The following ZNF780B variants were observed in gnomAD, a reference collection of about 807,000 sequenced individuals.
The protein encoded by ZNF780B is zinc finger protein 780B, also known as zinc finger protein 779.
In ZNF780B, 52 loss-of-function variants were observed where a neutral mutation model predicts 74.1. That is an observed-to-expected ratio of 0.70 (90% CI 0.56 to 0.88). ZNF780B has a LOEUF of 0.88. ZNF780B is among the 40% of genes least tolerant of loss of function. The probability of loss-of-function intolerance (pLI) is 0.00; values close to 1 mark genes in which losing one functional copy is unlikely to be tolerated. For synonymous variants in ZNF780B, 315 were observed against 324.3 expected, an observed-to-expected ratio of 0.97 and a Z score of 0.31; for missense variants, 953 against 1,007.6, an observed-to-expected ratio of 0.95 and a Z score of 0.73.
At position 40,034,402 on chromosome 19, in the gene ZNF780B, G is replaced by A; in HGVS notation, c.2457C>T (p.Asp819=). The A allele has an allele frequency of 6.2e-7, 1 of 1,613,504 alleles. No homozygotes were observed. Among genetic ancestry groups the A allele is most frequent in the South Asian group, 1.1e-5 (1 of 91,018 alleles). The change falls in exon 5 of 5, where the codon GAC becomes GAT. Residue 819 remains aspartate, a synonymous_variant. Transcript: ENST00000434248. ...LNVRNVGQPS[D]ISSNLLNIRK... is the part of the protein sequence containing the mutation. ...TGATGTTCAGTAAGTTGCTACTGAT[G>A]TCTGAAGGCTGTCCCACATTTCTTA...
intron 4 of ZNF780B, 44 bp downstream of exon 4, chr19:40,047,331 C>T (rs201473264): frequency 6.3e-5 from 96 of 1,528,082 alleles, no homozygotes; most frequent in Non-Finnish European, 7.3e-5. Flanking sequence ...ATGGGCTGTC[C>T]GGGACAATGA....
rs1243906007 is a variant in ZNF780B at position 40,039,193 on chromosome 19, G to C, written c.233-2567C>G. On this transcript the variant is annotated intron_variant, in intron 4 of 4. Transcript: ENST00000434248. ...AATCCTTTCCCCATTGCTTGTTTTT[G>C]TCAGGTTTGTCAAAGATCAGATAGT... Among the ~76,000 whole-genome samples, 121 of 152,142 alleles carry C rather than the reference G, an allele frequency of 8.0e-4. 1 individual carries two copies. Among genetic ancestry groups the C allele is most frequent in the Non-Finnish European group, 1.1e-3 (74 of 67,994 alleles).
At position 40,035,729 on chromosome 19, in the gene ZNF780B, T is replaced by C; in HGVS notation, c.1130A>G (p.Asn377Ser). 2 of 1,614,008 alleles carry C rather than the reference T, an allele frequency of 1.2e-6. No individual in the cohort carries two copies. Among genetic ancestry groups the C allele is most frequent in the Non-Finnish European group, 1.7e-6 (2 of 1,179,994 alleles). ...GKAFSLLNQL[N>S]RHKNIHTGEK... ...ACCTGTGTGAATATTCTTATGGCGA[T>C]TAAGCTGATTGAGGAGACTAAAGGC... is the stretch of plus-strand genomic sequence containing the variant. Residue 377 changes from asparagine (N) to serine (S), a missense_variant, in exon 5 of 5, where the codon AAT becomes AGT. Physicochemically the swap from Asn to Ser is conservative, Grantham distance 46. Transcript: ENST00000434248.
rs1402875874 is a variant in ZNF780B, at chr19:40,029,765, G to A, written c.*4592C>T. 6.6e-6 allele frequency: 1 copy of A among 151,992 alleles called. No individual in the cohort carries two copies. The highest frequency in any genetic ancestry group is 2.4e-5 in the African/African-American group (1 of 41,336). The allele number at this position is 151,992 out of a possible 1,614,324, so 9.4% of individuals were successfully genotyped here. Reference sequence around the variant, plus strand: ...ATGACTCAGGACAAGAGGCATGGGGGACATGAACCAACAAACAGGGTCAGT... The same window carrying A: ...ATGACTCAGGACAAGAGGCATGGGGAACATGAACCAACAAACAGGGTCAGT... On this transcript the variant is annotated 3_prime_UTR_variant, in exon 5 of 5. Transcript: ENST00000434248.
In ZNF780B at chr19:40,048,954, T is replaced by C. The variant is rs1973074406; in HGVS notation, c.10-158A>G. On this transcript the variant is annotated intron_variant, in intron 2 of 4. Transcript: ENST00000434248. ...GAATCCTGCTGCTGGCCTGGTGTGG[T>C]GGCTCATGCCTGTTATACCAGCACT... The C allele has an allele frequency of 2.5e-6, 3 of 1,206,660 alleles. No individual in the cohort carries two copies. The East Asian group carries it at 7.7e-5, about 31-fold the overall frequency. The allele number at this position is 1,206,660 out of a possible 1,614,324, so 74.7% of individuals were successfully genotyped here. A position where few individuals can be genotyped will look rare whatever the true frequency, so the allele number is the denominator to read the frequency against.
rs1250165087 is a variant in ZNF780B, at chr19:40,033,987, CAA to C, written c.*368_*369del. On this transcript the variant is annotated 3_prime_UTR_variant, in exon 5 of 5. Transcript: ENST00000434248. ...TGTGCAGTAAAGACTAAGCTAAATC[CAA>C]AAGTTTTCCACATTCTTTACACTCA... 3 of 274,586 alleles carry C rather than the reference CAA, an allele frequency of 1.1e-5. No individual in the cohort carries two copies. Among genetic ancestry groups the C allele is most frequent in the Non-Finnish European group, 7.1e-6 (1 of 140,782 alleles). 17.0% of individuals were successfully genotyped at this position (274,586 alleles called of 1,614,324 possible).
At position 40,033,174 on chromosome 19, in the gene ZNF780B, A is replaced by G. The variant is rs960188617; in HGVS notation, c.*1183T>C. 1.3e-5 allele frequency: 2 copies of G among 153,932 alleles called. No individual in the cohort carries two copies. The highest frequency in any genetic ancestry group is 2.9e-5 in the Non-Finnish European group (2 of 68,220). 9.5% of individuals were successfully genotyped at this position (153,932 alleles called of 1,614,324 possible). A position where few individuals can be genotyped will look rare whatever the true frequency, so the allele number is the denominator to read the frequency against. On this transcript the variant is annotated 3_prime_UTR_variant, in exon 5 of 5. Coordinates refer to ENST00000434248, the MANE Select transcript of ZNF780B (RefSeq NM_001005851.3). ...CAAAAAACACTGGTCACAGATCACC[A>G]TAACAGATTTAACAATGAAAAAGTT...
intron 4 of ZNF780B, among the ~76,000 whole-genome samples, chr19:40,046,837 C>T (rs1031576396): frequency 2.0e-5 from 3 of 152,230 alleles, no homozygotes; most frequent in African/African-American, 7.2e-5. Flanking sequence ...AATGCGCACT[C>T]TATACATATT....
intron 4 of ZNF780B, among the ~76,000 whole-genome samples, chr19:40,046,704 C>T (rs117681666): frequency 6.6e-6 from 1 of 152,190 alleles, no homozygotes; most frequent in South Asian, 2.1e-4. Context: ...TATTCATTTG[C>T]TTACTTGTTT....
At chr19:40,039,542 G>A (rs1484242870) in intron 4 of ZNF780B, among the ~76,000 whole-genome samples, 2 of 151,742 alleles carry the variant, frequency 1.3e-5, no homozygotes, top group South Asian at 4.2e-4. Flanking sequence ...TCCTACCCAT[G>A]AGCATGGAAT....
At chr19:40,046,953 T>TG (rs1172848872) in intron 4 of ZNF780B, among the ~76,000 whole-genome samples, 8 of 152,308 alleles carry the variant, frequency 5.3e-5, no homozygotes, top group African/African-American at 1.7e-4. Flanking sequence ...AAGTTTACAC[T>TG]GGGGGCCAGA....
intron 4 of ZNF780B, among the ~76,000 whole-genome samples, chr19:40,037,709 A>C (rs1972404488): frequency 6.6e-6 from 1 of 152,116 alleles, no homozygotes; most frequent in Admixed American, 6.6e-5. Flanking sequence ...ACAGAGAACA[A>C]AACTTCCTAT....
Position 40,031,741 on chromosome 19 carries a change from T to C in ZNF780B, c.*2616A>G, listed in dbSNP as rs931890809. The C allele has an allele frequency of 8.6e-6, 2 of 231,556 alleles. No homozygotes were observed. Among genetic ancestry groups the C allele is most frequent in the African/African-American group, 4.5e-5 (2 of 44,212 alleles). 14.3% of individuals were successfully genotyped at this position (231,556 alleles called of 1,614,324 possible). A position where few individuals can be genotyped will look rare whatever the true frequency, so the allele number is the denominator to read the frequency against. Reference sequence around the variant, plus strand: ...CACAAGTTGAATTATGTTGACGCTTTAATGGCATTCATTTCTCAATAGTCT... The same window carrying C: ...CACAAGTTGAATTATGTTGACGCTTCAATGGCATTCATTTCTCAATAGTCT... On this transcript the variant is annotated 3_prime_UTR_variant, in exon 5 of 5. Transcript: ENST00000434248.
chr19:40,043,810 C>A (rs1471801093), intron 4 of ZNF780B, among the ~76,000 whole-genome samples: 1 of 152,226 alleles, frequency 6.6e-6, no homozygotes, highest in Non-Finnish European at 1.5e-5. Flanking sequence ...TCTGTCACCC[C>A]TTTCTTTGAC....
At position 40,030,110 on chromosome 19, in the gene ZNF780B, T is replaced by C. The variant is rs1054903676; in HGVS notation, c.*4247A>G. 6.6e-6 allele frequency: 1 copy of C among 152,178 alleles called. No homozygotes were observed. The highest frequency in any genetic ancestry group is 1.5e-5 in the Non-Finnish European group (1 of 68,036). The allele number at this position is 152,178 out of a possible 1,614,324, so 9.4% of individuals were successfully genotyped here. On this transcript the variant is annotated 3_prime_UTR_variant, in exon 5 of 5. Coordinates refer to ENST00000434248, the MANE Select transcript of ZNF780B (RefSeq NM_001005851.3). ...GACTGAGTATGTCTTAGTTTTGTGT[T>C]GCTATAAAGGAATGTCTGAGGTTGG...
rs1972034362 is a variant in ZNF780B, at chr19:40,032,261, T to G, written c.*2096A>C. 5.5e-6 allele frequency: 2 copies of G among 361,478 alleles called. No homozygotes were observed. The highest frequency in any genetic ancestry group is 3.8e-4 in the Middle Eastern group (1 of 2,620). The allele number at this position is 361,478 out of a possible 1,614,324, so 22.4% of individuals were successfully genotyped here. A position where few individuals can be genotyped will look rare whatever the true frequency, so the allele number is the denominator to read the frequency against. Reference sequence around the variant, plus strand: ...AATAATAAAAAACAGAGGCCCAGGCTTATAAACTAGGGCTACACTTCTGTA... The same window carrying G: ...AATAATAAAAAACAGAGGCCCAGGCGTATAAACTAGGGCTACACTTCTGTA... On this transcript the variant is annotated 3_prime_UTR_variant, in exon 5 of 5. Coordinates refer to ENST00000434248, the MANE Select transcript of ZNF780B (RefSeq NM_001005851.3).
chr19:40,049,850 CTT>C (rs1973126503), intron 2 of ZNF780B, among the ~76,000 whole-genome samples: 1 of 152,120 alleles, frequency 6.6e-6, no homozygotes, highest in East Asian at 1.9e-4. Flanking sequence ...AGAGCACTGA[CTT>C]TTATTTTTTG....
At chr19:40,053,842 T>G (rs753009889) in intron 1 of ZNF780B, among the ~76,000 whole-genome samples, 12 of 152,228 alleles carry the variant, frequency 7.9e-5, no homozygotes, top group Non-Finnish European at 1.3e-4. Flanking sequence ...CAGTGGAATC[T>G]GAAAAATGTT....
In ZNF780B at chr19:40,028,864, AAG is replaced by A. The variant is rs1971943780; in HGVS notation, c.*5491_*5492del. On this transcript the variant is annotated 3_prime_UTR_variant, in exon 5 of 5. Transcript: ENST00000434248. Reference sequence around the variant, plus strand: ...TTAATATATTAAGCTAGTTTGTTTTAAGAGGTTTCCAGAATTGCCAAAATATT... The same window carrying A: ...TTAATATATTAAGCTAGTTTGTTTTAAGGTTTCCAGAATTGCCAAAATATT... 1 of 152,232 alleles carries A rather than the reference AAG, an allele frequency of 6.6e-6. No individual in the cohort carries two copies. Among genetic ancestry groups the A allele is most frequent in the Non-Finnish European group, 1.5e-5 (1 of 68,050 alleles). The allele number at this position is 152,232 out of a possible 1,614,324, so 9.4% of individuals were successfully genotyped here. A position where few individuals can be genotyped will look rare whatever the true frequency, so the allele number is the denominator to read the frequency against.
Sources: gnomAD v4.1 joint callset for allele counts (sites outside exome capture counted in the v4.1 genomes callset) on GRCh38, gnomAD v4.1.1 for gene constraint, MANE v1.5 for transcripts, NCBI Gene and HGNC (gene_info 2026-07-23, HGNC 2026-07-21) for gene names.